The following PIK3C2A variants were observed in gnomAD, a reference collection of about 807,000 sequenced individuals.
The protein encoded by PIK3C2A is phosphatidylinositol-4-phosphate 3-kinase catalytic subunit type 2 alpha, also known as phosphatidylinositol 4-phosphate 3-kinase C2 domain-containing subunit alpha.
Under a neutral mutation model 204.5 loss-of-function variants are expected in PIK3C2A, and 97 were observed. That is an observed-to-expected ratio of 0.47 (90% confidence interval 0.40 to 0.56). PIK3C2A has a LOEUF of 0.56. PIK3C2A is among the 20% of genes least tolerant of loss of function. The pLI is 0.00. For synonymous variants in PIK3C2A, 653 were observed against 664.4 expected (o/e 0.98, Z 0.26); for missense variants, 1,735 against 1,969.2 (o/e 0.88, Z 2.25).
Position 17,134,880 on chromosome 11 carries a change from T to C in PIK3C2A, c.2047A>G (p.Thr683Ala), listed in dbSNP as rs61736299. The C allele has an allele frequency of 1.6e-4, 257 of 1,614,174 alleles. 1 individual carries two copies. The African/African-American group carries it at 2.0e-3, about 12-fold the overall frequency. ...SKSVKEAWTT[T>A]EQLQFTIFAA... is the part of the protein sequence containing the mutation. ...AAAATAGTAAACTGGAGCTGCTCTG[T>C]TGTAGTCCATGCTTCCTTGACACTC... Residue 683 changes from threonine to alanine, a missense_variant, in exon 11 of 33, where the codon ACA becomes GCA. Physicochemically the swap from Thr to Ala is moderately conservative, Grantham distance 58 (BLOSUM62 0). This residue lies in a region of PIK3C2A where 567 missense variants were observed against 576.0 expected (regional missense o/e 0.98). Transcript: ENST00000691414.
In PIK3C2A at chr11:17,138,912, A is replaced by AT. The variant is rs777323309; in HGVS notation, c.1705-2288dup. Among the ~76,000 whole-genome samples, 451 of 147,402 alleles carry AT rather than the reference A, an allele frequency of 3.1e-3. 1 individual carries two copies. Among genetic ancestry groups the AT allele is most frequent in the African/African-American group, 9.0e-3 (365 of 40,424 alleles). ...ATTAATCATCTTTTACTAATTAATG[A>AT]TTTTTTTTTTTTGAGACGAAATCTC... On this transcript the variant is annotated intron_variant, in intron 8 of 32. Transcript: ENST00000691414.
chr11:17,129,086 G>A (rs1849611813), intron 13 of PIK3C2A, among the ~76,000 whole-genome samples: 1 of 152,190 alleles, frequency 6.6e-6, no homozygotes, highest in African/African-American at 2.4e-5. Flanking sequence ...AAACAAAGCT[G>A]TGCATACCTA....
intron 1 of PIK3C2A, among the ~76,000 whole-genome samples, chr11:17,170,931 G>A (rs1243447953): frequency 1.3e-5 from 2 of 152,076 alleles, no homozygotes; most frequent in East Asian, 1.9e-4. Context: ...GTGAAACCCC[G>A]TCTCTACTAA....
chr11:17,091,537 A>T lies in PIK3C2A; in HGVS notation c.4752+10T>A. 6.2e-7 allele frequency: 1 copy of T among 1,607,516 alleles called. No individual in the cohort carries two copies. Among genetic ancestry groups the T allele is most frequent in the Non-Finnish European group, 8.5e-7 (1 of 1,174,828 alleles). ...TTCCTCTACAACCATCATTCTTTGT[A>T]ATCACTCACAAGATCTTTGATATGC... On this transcript the variant is annotated intron_variant, in intron 31 of 32. Coordinates refer to ENST00000691414, the MANE Select transcript of PIK3C2A (RefSeq NM_002645.4).
rs11024168 is a variant in PIK3C2A, at chr11:17,151,122, C to A, written c.1170-467G>T. Among the ~76,000 whole-genome samples, 718 of 152,212 alleles carry A rather than the reference C, an allele frequency of 4.7e-3. 10 individuals carry two copies. Among genetic ancestry groups the A allele is most frequent in the African/African-American group, 0.016 (682 of 41,528 alleles). ...TTCGTACAAACATTGTTTTTGGCTG[C>A]TAGATAATGAACAAAATATAGACAA... On this transcript the variant is annotated intron_variant, in intron 3 of 32. Transcript: ENST00000691414.
intron 1 of PIK3C2A, among the ~76,000 whole-genome samples, chr11:17,192,379 C>T (rs1851975329): frequency 6.6e-6 from 1 of 152,124 alleles, no homozygotes; most frequent in African/African-American, 2.4e-5. Flanking sequence ...ATATTTTATA[C>T]AACTCTTTTA....
At chr11:17,177,064 G>A (rs1051415658) in intron 1 of PIK3C2A, among the ~76,000 whole-genome samples, 14 of 152,132 alleles carry the variant, frequency 9.2e-5, no homozygotes, top group Non-Finnish European at 1.6e-4. Flanking sequence ...AGCAAGTGGT[G>A]AAATCAGGAC....
chr11:17,160,611 T>C (rs140877659), intron 2 of PIK3C2A, among the ~76,000 whole-genome samples: 19 of 152,064 alleles, frequency 1.2e-4, no homozygotes, highest in African/African-American at 4.6e-4. Flanking sequence ...ATAGCTCTAG[T>C]CCAGGAGATG....
chr11:17,161,278 T>C (rs1299346158), intron 2 of PIK3C2A, among the ~76,000 whole-genome samples: 2 of 152,236 alleles, frequency 1.3e-5, no homozygotes, highest in Non-Finnish European at 2.9e-5. Context: ...ACATCCTTAA[T>C]TGGACTTTTT....
intron 8 of PIK3C2A, chr11:17,138,396 T>C (rs1006162020): frequency 3.2e-5 from 12 of 373,686 alleles, no homozygotes; most frequent in African/African-American, 2.0e-4. Context: ...TGCACCCTCA[T>C]GCTATGTTCT....
rs190640695 is a variant in PIK3C2A at position 17,122,740 on chromosome 11, T to C, written c.2473A>G (p.Thr825Ala). The change falls in exon 14 of 33, where the codon ACC becomes GCC. Residue 825 changes from threonine (T) to alanine (A), a missense_variant. Coordinates refer to ENST00000691414, the MANE Select transcript of PIK3C2A (RefSeq NM_002645.4). ...CTTTCCATGACATATCCTTTTTTGG[T>C]AACTGTTCCAGGAACAGAATTTGTA... is the stretch of plus-strand genomic sequence containing the variant. ...SHTNSVPGTV[T>A]KKGYVMERIV... The C allele has an allele frequency of 1.4e-4, 220 of 1,559,600 alleles. 1 individual carries two copies. In the Admixed American group the frequency reaches 3.6e-3, roughly 25 times the overall value.
chr11:17,167,784 T>C lies in PIK3C2A; in HGVS notation c.1065+893A>G, dbSNP rs1293972104. 4.6e-5 allele frequency among the ~76,000 whole-genome samples: 7 copies of C among 152,198 alleles called. 1 individual carries two copies. Among genetic ancestry groups the C allele is most frequent in the African/African-American group, 7.2e-5 (3 of 41,444 alleles). On this transcript the variant is annotated intron_variant, in intron 2 of 32. Transcript: ENST00000691414. ...AGCTGAATATTAATTCACGTTAAAG[T>C]GAGAATGAGGCTTAAACATTCCCAG...
chr11:17,167,151 G>A (rs1056725021), intron 2 of PIK3C2A, among the ~76,000 whole-genome samples: 2 of 151,984 alleles, frequency 1.3e-5, no homozygotes, highest in Non-Finnish European at 2.9e-5. Flanking sequence ...TTTTGTAATT[G>A]TGTTAGAGAC....
chr11:17,133,608 C>T lies in PIK3C2A; in HGVS notation c.2108+1211G>A, dbSNP rs138391905. On this transcript the variant is annotated intron_variant, in intron 11 of 32. Coordinates refer to ENST00000691414, the MANE Select transcript of PIK3C2A (RefSeq NM_002645.4). ...TTCACTAAAAATATTTCTGACTTTT[C>T]AGTTCATACATTGATTTTCAAATAA... Among the ~76,000 whole-genome samples the T allele has an allele frequency of 3.5e-4, 53 of 152,192 alleles. No individual in the cohort carries two copies. The East Asian group carries it at 9.1e-3, about 26-fold the overall frequency.
intron 1 of PIK3C2A, among the ~76,000 whole-genome samples, chr11:17,207,333 G>T (rs1356300496): frequency 6.6e-6 from 1 of 152,154 alleles, no homozygotes; most frequent in African/African-American, 2.4e-5. Context: ...GGGAGTGGGG[G>T]GTCCGGGAAG....
chr11:17,119,990 A>G lies in PIK3C2A; in HGVS notation c.2658-16T>C, dbSNP rs754405311. 1 of 1,179,836 alleles carries G rather than the reference A, an allele frequency of 8.5e-7. No individual in the cohort carries two copies. Among genetic ancestry groups the G allele is most frequent in the Non-Finnish European group, 1.2e-6 (1 of 827,852 alleles). The allele number at this position is 1,179,836 out of a possible 1,614,324, so 73.1% of individuals were successfully genotyped here. ...TTTAGAAAGTCTGCATATATAATAG[A>G]ATTAAATTACTTCTCAGTGATAACA... On this transcript the variant is annotated splice_polypyrimidine_tract_variant and intron_variant, in intron 15 of 32. Transcript: ENST00000691414.
intron 2 of PIK3C2A, among the ~76,000 whole-genome samples, chr11:17,158,208 C>T (rs935531557): frequency 1.1e-4 from 17 of 151,616 alleles, no homozygotes; most frequent in Non-Finnish European, 2.2e-4. Context: ...ATTAGCCGGG[C>T]GTGGTGGTGC....
At chr11:17,135,300 G>A in intron 9 of PIK3C2A, 141 bp from the exon 10 acceptor site, 2 of 806,794 alleles carry the variant, frequency 2.5e-6, no homozygotes, top group Non-Finnish European at 4.0e-6. Context: ...AATAAATAAT[G>A]CAAAAAGAAA....
At chr11:17,200,679 T>C (rs192861904) in intron 1 of PIK3C2A, among the ~76,000 whole-genome samples, 57 of 152,322 alleles carry the variant, frequency 3.7e-4, no homozygotes, top group Non-Finnish European at 6.3e-4. Context: ...TGTATCTTAA[T>C]TGTGGTGGTG....
Sources: gnomAD v4.1 joint callset for allele counts (sites outside exome capture counted in the v4.1 genomes callset) on GRCh38, gnomAD v4.1.1 for gene constraint, gnomAD v4.1.1 regional missense constraint, MANE v1.5 for transcripts, NCBI Gene and HGNC (gene_info 2026-07-23, HGNC 2026-07-21) for gene names.